Variants in MYH7B observed in about 807,000 individuals in gnomAD.
MYH7B encodes the protein myosin-7B.
MYH7B carries 205 observed loss-of-function variants against 234.5 expected under a neutral mutation model. The observed-to-expected ratio is 0.87, with a 90% CI of 0.78 to 0.98. MYH7B has a LOEUF of 0.98. MYH7B is among the 50% of genes least tolerant of loss of function. The probability of loss-of-function intolerance (pLI) is 0.00; values close to 1 mark genes in which losing one functional copy is unlikely to be tolerated. For synonymous variants in MYH7B, 1,193 were observed against 1,105.0 expected (o/e 1.08, Z -1.58); for missense variants, 2,652 against 2,633.4 (o/e 1.01, Z -0.15).
chr20:34,991,223 G>A (rs1035717041), intron 24 of MYH7B, 102 bp downstream of exon 24: 26 of 825,328 alleles, frequency 3.2e-5, no homozygotes, highest in Non-Finnish European at 4.7e-5. Flanking sequence ...TGTCTGGAGG[G>A]GGAAGCAGGG....
chr20:34,977,775 C>T (rs1479550946), intron 4 of MYH7B, 95 bp downstream of exon 4: 3 of 1,506,442 alleles, frequency 2.0e-6, no homozygotes, highest in Non-Finnish European at 2.7e-6. Flanking sequence ...TCTTCTGAAT[C>T]TGGAGTGGAG....
exon 36 of MYH7B, chr20:34,999,181 T>G (rs1262215906): frequency 1.9e-6 from 3 of 1,613,408 alleles, no homozygotes; most frequent in African/African-American, 1.3e-5. Flanking sequence ...ACCCTGGAGC[T>G]GGAGCGGGCG....
In MYH7B at chr20:34,999,876, CAG is replaced by C; in HGVS notation, c.4755_4756del (p.Lys1586ArgfsTer6). 1 of 1,613,684 alleles carries C rather than the reference CAG, an allele frequency of 6.2e-7. No homozygotes were observed. The highest frequency in any genetic ancestry group is 8.5e-7 in the Non-Finnish European group (1 of 1,179,974). On this transcript the variant is annotated frameshift_variant, in exon 38 of 45. Coordinates refer to ENST00000262873, the Ensembl canonical transcript of MYH7B. LOFTEE classifies it high-confidence loss of function. ...AAAGCAGAAGTGGACCGGAAGCTGG[CAG>C]AGAAAGACGAGGAGTGCGCTAACCT...
chr20:34,992,694 C>T (rs1490813669), intron 24 of MYH7B, among the ~76,000 whole-genome samples: 4 of 151,712 alleles, frequency 2.6e-5, no homozygotes, highest in African/African-American at 7.3e-5. Context: ...CTCAGCCTCC[C>T]GAGTAGCTGG....
At chr20:35,002,143 A>AGTACT in intron 44 of MYH7B, 34 bp from the exon 45 acceptor site, 1 of 1,600,156 alleles carries the variant, frequency 6.2e-7, no homozygotes, top group Non-Finnish European at 8.5e-7. Context: ...GCTGACAGGT[A>AGTACT]GTACTGCTCA....
intron 2 of MYH7B, among the ~76,000 whole-genome samples, chr20:34,960,743 C>T (rs1287766086): frequency 6.6e-6 from 1 of 152,240 alleles, no homozygotes; most frequent in Non-Finnish European, 1.5e-5. Context: ...CAGCCCCTAG[C>T]ACAGGCCTGG....
At chr20:34,993,610 GT>G (rs2082198709) in intron 26 of MYH7B, 140 bp downstream of exon 26, 7 of 1,001,390 alleles carry the variant, frequency 7.0e-6, no homozygotes, top group Non-Finnish European at 9.8e-6. Context: ...TCTGTTCTGT[GT>G]CCCCCAGCCT....
chr20:34,985,996 CCCCTGCACACT>C (rs2082014938), intron 13 of MYH7B, 93 bp from the exon 14 acceptor site: 1 of 962,688 alleles, frequency 1.0e-6, no homozygotes, highest in African/African-American at 1.6e-5. Context: ...AGATGCAGCC[CCCCTGCACACT>C]CCCTGCCCAC....
At chr20:34,979,930 T>G in intron 7 of MYH7B, 126 bp downstream of exon 7, 1 of 1,008,648 alleles carries the variant, frequency 9.9e-7, no homozygotes, top group Non-Finnish European at 1.4e-6. Context: ...GGGCTGTGAA[T>G]GATAGAGCGG....
At chr20:34,961,327 T>C (rs1188325206) in intron 2 of MYH7B, among the ~76,000 whole-genome samples, 1 of 151,884 alleles carries the variant, frequency 6.6e-6, no homozygotes, top group Non-Finnish European at 1.5e-5. Context: ...CTGAGAAAGG[T>C]ATAAAAATTA....
chr20:34,998,571 A>G lies in MYH7B; in HGVS notation c.3935A>G (p.Lys1312Arg), dbSNP rs2082307259. Residue 1312 changes from lysine to arginine, a missense_variant, in exon 34 of 45, where the codon AAG becomes AGG. Lys to Arg is a conservative substitution (Grantham distance 26). Coordinates refer to ENST00000262873, the Ensembl canonical transcript of MYH7B. The stretch of plus-strand genomic sequence containing the variant: ...CTGATCAGTCAGCTGAGCCGTGGAA[A>G]GGCCCTGGCCGCCCAAAGCCTGGAA... 1.9e-6 allele frequency: 3 copies of G among 1,613,666 alleles called. No homozygotes were observed. The African/African-American group carries it at 4.0e-5, about 21-fold the overall frequency.
intron 2 of MYH7B, among the ~76,000 whole-genome samples, chr20:34,963,063 A>C (rs1458008112): frequency 6.6e-6 from 1 of 152,222 alleles, no homozygotes; most frequent in Non-Finnish European, 1.5e-5. Context: ...GCGACACTGC[A>C]CTCCAGCCTG....
At chr20:34,997,691 G>A (rs369704638) in intron 32 of MYH7B, 51 bp downstream of exon 32, 18 of 1,597,236 alleles carry the variant, frequency 1.1e-5, no homozygotes, top group Non-Finnish European at 1.4e-5. Context: ...AACCAATCCC[G>A]ATCCCAGCAG....
At chr20:34,972,922 C>G (rs1318071521) in intron 2 of MYH7B, among the ~76,000 whole-genome samples, 1 of 152,126 alleles carries the variant, frequency 6.6e-6, no homozygotes, top group Non-Finnish European at 1.5e-5. Flanking sequence ...TAGGTGTGAG[C>G]CATCATGCCT....
rs2082321555 is a variant in MYH7B, at chr20:34,999,224, G to A, written c.4359G>A (p.Gln1453=). The change falls in exon 36 of 45, where the codon CAG becomes CAA. Residue 1453 remains glutamine, a synonymous_variant. Transcript: ENST00000262873. The stretch of plus-strand genomic sequence containing the variant: ...CAGCTGCTGCGCTGGACAAGAAGCA[G>A]CGGCACTTGGAACGGGCACTGGAGG... The A allele has an allele frequency of 1.9e-6, 3 of 1,611,254 alleles. No individual in the cohort carries two copies. In the Admixed American group the frequency reaches 5.1e-5, roughly 27 times the overall value.
chr20:34,999,759 C>A lies in MYH7B; in HGVS notation c.4666-32C>A, dbSNP rs201866508. The A allele has an allele frequency of 1.0e-4, 129 of 1,245,594 alleles. 2 individuals carry two copies. The highest frequency in any genetic ancestry group is 2.2e-4 in the South Asian group (16 of 72,400). The allele number at this position is 1,245,594 out of a possible 1,614,324, so 77.2% of individuals were successfully genotyped here. On this transcript the variant is annotated intron_variant, in intron 37 of 44. Coordinates refer to ENST00000262873, the Ensembl canonical transcript of MYH7B. Reference sequence around the variant, plus strand: ...GCTGCTCCACTGGCCATCCCCCCCCCCCACCCTACCCTGCCTGCTCTGTAT... The same window carrying A: ...GCTGCTCCACTGGCCATCCCCCCCCACCACCCTACCCTGCCTGCTCTGTAT...
intron 2 of MYH7B, among the ~76,000 whole-genome samples, chr20:34,972,551 T>G (rs1461127888): frequency 6.6e-6 from 1 of 152,126 alleles, no homozygotes; most frequent in Non-Finnish European, 1.5e-5. Flanking sequence ...CTTGTTTATT[T>G]TTTGCTTCTC....
intron 15 of MYH7B, 31 bp downstream of exon 15, chr20:34,987,020 G>A: frequency 6.2e-7 from 1 of 1,610,322 alleles, no homozygotes; most frequent in African/African-American, 1.3e-5. Flanking sequence ...GGAGCTGTGT[G>A]GACGCCTGTG....
intron 36 of MYH7B, 45 bp downstream of exon 36, chr20:34,999,450 G>A (rs756726198): frequency 6.6e-6 from 10 of 1,517,670 alleles, no homozygotes; most frequent in South Asian, 1.3e-5. Context: ...CCCTGGGGTC[G>A]GAGCAACTTT....
Sources: allele counts gnomAD v4.1 joint callset (sites outside exome capture counted in the v4.1 genomes callset), GRCh38; gene constraint gnomAD v4.1.1; transcripts MANE v1.5; gene names NCBI Gene and HGNC (gene_info 2026-07-23, HGNC 2026-07-21).